Variants in DOK5 observed in about 807,000 individuals in gnomAD.
The protein encoded by DOK5 is downstream of tyrosine kinase 5.
Under a neutral mutation model 43.3 loss-of-function variants are expected in DOK5, and 27 were observed. The observed-to-expected ratio is 0.62, with a 90% CI of 0.46 to 0.86. DOK5 has a LOEUF of 0.86. Ranked by LOEUF, DOK5 falls within the 40% of genes least tolerant of loss-of-function variation. The pLI is 0.00. For missense variants in DOK5, 373 were observed against 392.9 expected (o/e 0.95, Z 0.43); for synonymous variants, 146 against 140.1 (o/e 1.04, Z -0.30).
chr20:54,545,309 A>G (rs6023351), intron 1 of DOK5, among the ~76,000 whole-genome samples: 2,019 of 152,312 alleles, frequency 0.013, 47 homozygotes, highest in African/African-American at 0.046. Flanking sequence ...CTTGGTTAAC[A>G]TCTCCACCCT....
chr20:54,593,154 T>C (rs1388539652), intron 5 of DOK5, among the ~76,000 whole-genome samples: 1 of 151,834 alleles, frequency 6.6e-6, no homozygotes, highest in Non-Finnish European at 1.5e-5. Context: ...GCTACTCAGA[T>C]GGCTGAGGCA....
At chr20:54,478,713 C>A (rs1453729577) in intron 1 of DOK5, among the ~76,000 whole-genome samples, 1 of 152,140 alleles carries the variant, frequency 6.6e-6, no homozygotes, top group Non-Finnish European at 1.5e-5. Context: ...GACCTTTGAC[C>A]TTTCTTGGCC....
At chr20:54,531,981 C>T (rs1433952092) in intron 1 of DOK5, among the ~76,000 whole-genome samples, 1 of 152,112 alleles carries the variant, frequency 6.6e-6, no homozygotes, top group African/African-American at 2.4e-5. Flanking sequence ...AGAGGGGCCT[C>T]TCATGTAATT....
intron 5 of DOK5, among the ~76,000 whole-genome samples, chr20:54,593,920 C>T (rs1477106006): frequency 1.3e-5 from 2 of 152,120 alleles, no homozygotes; most frequent in Non-Finnish European, 2.9e-5. Context: ...TGCATGTTCT[C>T]ACTTATAAGT....
At chr20:54,516,709 T>C (rs974575061) in intron 1 of DOK5, among the ~76,000 whole-genome samples, 1 of 152,172 alleles carries the variant, frequency 6.6e-6, no homozygotes, top group African/African-American at 2.4e-5. Context: ...ATGTAAAAAT[T>C]AACATTAACT....
intron 2 of DOK5, among the ~76,000 whole-genome samples, chr20:54,586,193 A>G (rs1985798631): frequency 6.6e-6 from 1 of 152,182 alleles, no homozygotes; most frequent in South Asian, 2.1e-4. Context: ...GTTTTCATTG[A>G]TTCAGCCCTT....
chr20:54,565,850 A>G (rs577285577), intron 2 of DOK5, among the ~76,000 whole-genome samples: 1 of 151,978 alleles, frequency 6.6e-6, no homozygotes, highest in Non-Finnish European at 1.5e-5. Context: ...CCATGTCTCT[A>G]CTAAAAAATA....
chr20:54,591,048 T>G (rs954775457), intron 4 of DOK5, among the ~76,000 whole-genome samples: 2 of 152,250 alleles, frequency 1.3e-5, no homozygotes, highest in Non-Finnish European at 2.9e-5. Flanking sequence ...TTGTTGAAAC[T>G]AGTTCAAATA....
At chr20:54,536,348 T>G (rs1448801896) in intron 1 of DOK5, among the ~76,000 whole-genome samples, 1 of 152,186 alleles carries the variant, frequency 6.6e-6, no homozygotes, top group African/African-American at 2.4e-5. Flanking sequence ...GACTCTGGGT[T>G]TAACCATGTG....
intron 6 of DOK5, among the ~76,000 whole-genome samples, chr20:54,627,664 T>A (rs1337567808): frequency 1.3e-5 from 2 of 152,176 alleles, no homozygotes; most frequent in East Asian, 3.8e-4. Context: ...AAAGACGCAG[T>A]GGATCTCCAA....
intron 5 of DOK5, among the ~76,000 whole-genome samples, chr20:54,593,373 A>T (rs1986040005): frequency 6.6e-6 from 1 of 152,176 alleles, no homozygotes; most frequent in Non-Finnish European, 1.5e-5. Context: ...TTTTTACTTT[A>T]TACTTTTCAT....
chr20:54,504,633 T>A (rs2146681314), intron 1 of DOK5, among the ~76,000 whole-genome samples: 1 of 152,336 alleles, frequency 6.6e-6, no homozygotes, highest in South Asian at 2.1e-4. Context: ...GGAGATGGTG[T>A]CATGCTATCC....
chr20:54,506,340 G>A (rs1042292049), intron 1 of DOK5, among the ~76,000 whole-genome samples: 1 of 152,200 alleles, frequency 6.6e-6, no homozygotes, highest in African/African-American at 2.4e-5. Context: ...AGACATCGGG[G>A]TGGGATTGTT....
intron 6 of DOK5, among the ~76,000 whole-genome samples, chr20:54,629,096 T>C (rs1424241618): frequency 2.0e-5 from 3 of 152,256 alleles, no homozygotes; most frequent in Non-Finnish European, 4.4e-5. Flanking sequence ...CTCCTTTGAA[T>C]TTCCCCTGGT....
chr20:54,603,895 C>T (rs1986377244), intron 5 of DOK5, among the ~76,000 whole-genome samples: 1 of 150,774 alleles, frequency 6.6e-6, no homozygotes, highest in Non-Finnish European at 1.5e-5. Context: ...TTGCTATAGC[C>T]TCAGGGGGAG....
chr20:54,598,693 GGAGA>G (rs1427969743), intron 5 of DOK5, among the ~76,000 whole-genome samples: 2 of 152,180 alleles, frequency 1.3e-5, no homozygotes, highest in Admixed American at 6.5e-5. Flanking sequence ...TTTACCAGCT[GGAGA>G]GAGTCTCTCT....
intron 1 of DOK5, among the ~76,000 whole-genome samples, chr20:54,522,860 C>G (rs1983459379): frequency 6.6e-6 from 1 of 152,102 alleles, no homozygotes; most frequent in East Asian, 1.9e-4. Context: ...TTTACTTTTT[C>G]ATGATACTTT....
At chr20:54,542,418 A>G (rs1984195303) in intron 1 of DOK5, among the ~76,000 whole-genome samples, 1 of 152,260 alleles carries the variant, frequency 6.6e-6, no homozygotes, top group Admixed American at 6.5e-5. Flanking sequence ...ACAAATAAAT[A>G]TAACAAATTA....
chr20:54,566,664 T>C (rs1985109502), intron 2 of DOK5, among the ~76,000 whole-genome samples: 1 of 152,228 alleles, frequency 6.6e-6, no homozygotes, highest in African/African-American at 2.4e-5. Flanking sequence ...TCACCCAGGC[T>C]GGAGTGCAGT....
Sources: gnomAD v4.1 joint callset for allele counts (sites outside exome capture counted in the v4.1 genomes callset) on GRCh38, gnomAD v4.1.1 for gene constraint, MANE v1.5 for transcripts, NCBI Gene and HGNC (gene_info 2026-07-23, HGNC 2026-07-21) for gene names.